The following OR2J1 variants were observed in gnomAD, a reference collection of about 807,000 sequenced individuals.
OR2J1 encodes olfactory receptor family 2 subfamily J member 1.
In OR2J1, 10 loss-of-function variants were observed where a neutral mutation model predicts 10.2. The observed-to-expected ratio is 0.98, with a 90% CI of 0.60 to 1.66. The LOEUF is 1.66. Ranked by LOEUF, OR2J1 falls within the 40% of genes most tolerant of loss-of-function variation. The pLI is 0.00. For missense variants in OR2J1, 317 were observed against 379.4 expected (o/e 0.84, Z 1.37); for synonymous variants, 143 against 138.8 (o/e 1.03, Z -0.21).
At position 29,101,547 on chromosome 6, in the gene OR2J1, T is replaced by C. The variant is rs1393654608; in HGVS notation, c.605T>C (p.Val202Ala). ...DTQANELTLM[V>A]MSSIFVLIPL... ...CAGGCAAATGAGCTGACCCTCATGG[T>C]CATGAGCTCCATATTTGTTCTCATA... The change falls in exon 2 of 2, where the codon GTC (valine) becomes GCC (alanine). Residue 202 changes from valine to alanine, a missense_variant. Physicochemically the swap from Val to Ala is moderately conservative, Grantham distance 64. Coordinates refer to ENST00000641659, the MANE Select transcript of OR2J1 (RefSeq NM_001348294.2). The C allele has an allele frequency of 6.3e-7, 1 of 1,591,936 alleles. No homozygotes were observed. Among genetic ancestry groups the C allele is most frequent in the Non-Finnish European group, 8.6e-7 (1 of 1,159,698 alleles).
rs1280995234 is a variant in OR2J1 at position 29,100,978 on chromosome 6, C to G, written c.36C>G (p.Phe12Leu). The change falls in exon 2 of 2, where the codon TTC (phenylalanine) becomes TTG (leucine). Residue 12 changes from phenylalanine (F) to leucine (L), a missense_variant. Physicochemically the swap from Phe to Leu is conservative, Grantham distance 22 (BLOSUM62 0). Coordinates refer to ENST00000641659, the MANE Select transcript of OR2J1 (RefSeq NM_001348294.2). The part of the protein sequence containing the change: ...LMKKNASFED[F>L]FLLLGFSNWP... ...AAAAAAATGCAAGTTTTGAAGACTT[C>G]TTTCTTCTACTTGGATTTTCTAACT... 1 of 1,405,900 alleles carries G rather than the reference C, an allele frequency of 7.1e-7. No homozygotes were observed. Among genetic ancestry groups the G allele is most frequent in the Non-Finnish European group, 1.0e-6 (1 of 992,228 alleles). The allele number at this position is 1,405,900 out of a possible 1,614,324, so 87.1% of individuals were successfully genotyped here. A position where few individuals can be genotyped will look rare whatever the true frequency, so the allele number is the denominator to read the frequency against.
rs769718595 is a variant in OR2J1, at chr6:29,101,131, C to G, written c.189C>G (p.Phe63Leu). 19 of 1,576,370 alleles carry G rather than the reference C, an allele frequency of 1.2e-5. No individual in the cohort carries two copies. The highest frequency in any genetic ancestry group is 1.7e-4 in the Middle Eastern group (1 of 6,018). The change falls in exon 2 of 2, where the codon TTC (phenylalanine) becomes TTG (leucine). Residue 63 changes from phenylalanine to leucine, a missense_variant. By Grantham distance (22) the Phe-to-Leu change is conservative (BLOSUM62 0). Transcript: ENST00000641659. ...ATCTCCACACTCCCATGTACTTCTT[C>G]CTTTCAAATCTCTCATTTCTGGATC... ...DSHLHTPMYFFLSNLSFLDLC... is the reference protein window; with the variant it reads ...DSHLHTPMYFLLSNLSFLDLC...
rs767848363 is a variant in OR2J1, at chr6:29,101,061, T to G, written c.119T>G (p.Leu40Arg). The G allele has an allele frequency of 1.3e-6, 2 of 1,528,500 alleles. No individual in the cohort carries two copies. Among genetic ancestry groups the G allele is most frequent in the East Asian group, 4.5e-5 (2 of 44,454 alleles). 94.7% of individuals were successfully genotyped at this position (1,528,500 alleles called of 1,614,324 possible). Residue 40 changes from leucine (L) to arginine (R), a missense_variant, in exon 2 of 2, where the codon CTG (leucine) becomes CGG (arginine). Transcript: ENST00000641659. ...ATCTTGATCTTCTACTTGATAACAC[T>G]GATAGGAAACCTGTTCATCATCATC... ...VVILIFYLITLIGNLFIIILS... is the reference protein window; with the variant it reads ...VVILIFYLITRIGNLFIIILS...
chr6:29,100,904 G>A lies in OR2J1; in HGVS notation c.-39G>A, dbSNP rs768800521. The A allele has an allele frequency of 2.1e-6, 2 of 931,000 alleles. No homozygotes were observed. The highest frequency in any genetic ancestry group is 4.8e-5 in the East Asian group (2 of 41,612). 57.7% of individuals were successfully genotyped at this position (931,000 alleles called of 1,614,324 possible). ...TTGGCAATGCATGGACAGACTTTGA[G>A]TTTATGCGATTCTTTCTTTAGGTAC... On this transcript the variant is annotated 5_prime_UTR_variant, in exon 2 of 2. Transcript: ENST00000641659.
In OR2J1 at chr6:29,102,095, A is replaced by G. The variant is rs1761671048; in HGVS notation, c.*214A>G. The stretch of plus-strand genomic sequence containing the variant: ...TACCATTTTGTTCTTTTACAATTCT[A>G]TATTTATTTCCATGAAAATTGTGGA... On this transcript the variant is annotated 3_prime_UTR_variant, in exon 2 of 2. Coordinates refer to ENST00000641659, the MANE Select transcript of OR2J1 (RefSeq NM_001348294.2). The G allele has an allele frequency of 4.4e-6, 2 of 456,704 alleles. No homozygotes were observed. The highest frequency in any genetic ancestry group is 5.2e-5 in the South Asian group (1 of 19,296). The allele number at this position is 456,704 out of a possible 1,614,324, so 28.3% of individuals were successfully genotyped here.
Position 29,100,931 on chromosome 6 carries a change from G to C in OR2J1, c.-12G>C. 9.0e-7 allele frequency: 1 copy of C among 1,105,450 alleles called. No individual in the cohort carries two copies. Among genetic ancestry groups the C allele is most frequent in the Admixed American group, 1.8e-5 (1 of 57,106 alleles). The allele number at this position is 1,105,450 out of a possible 1,614,324, so 68.5% of individuals were successfully genotyped here. On this transcript the variant is annotated 5_prime_UTR_variant, in exon 2 of 2. Transcript: ENST00000641659. ...TTATGCGATTCTTTCTTTAGGTACAGGAAAAATAAGAATGTTGATGAAAAA... is the reference window on the plus strand; with the variant it reads ...TTATGCGATTCTTTCTTTAGGTACACGAAAAATAAGAATGTTGATGAAAAA...
Position 29,101,246 on chromosome 6 carries a change from C to G in OR2J1, c.304C>G (p.Leu102Val), listed in dbSNP as rs1168684567. 6.2e-7 allele frequency: 1 copy of G among 1,601,136 alleles called. No individual in the cohort carries two copies. Among genetic ancestry groups the G allele is most frequent in the Admixed American group, 1.7e-5 (1 of 60,002 alleles). ...CTCTTATGCTGGTTGTACGGTTCAA[C>G]TTTACTTTGTTCTCGCACTGGGAAC... The part of the protein sequence containing the change: ...TISYAGCTVQ[L>V]YFVLALGTAE... The change falls in exon 2 of 2, where the codon CTT (leucine) becomes GTT (valine). Residue 102 changes from leucine to valine, a missense_variant. Coordinates refer to ENST00000641659, the MANE Select transcript of OR2J1 (RefSeq NM_001348294.2).
rs577968191 is a variant in OR2J1 at position 29,099,645 on chromosome 6, A to G, written c.-397A>G. 11 of 152,312 alleles carry G rather than the reference A, an allele frequency of 7.2e-5. No individual in the cohort carries two copies. Among genetic ancestry groups the G allele is most frequent in the Admixed American group, 3.3e-4 (5 of 15,298 alleles). The allele number at this position is 152,312 out of a possible 1,614,324, so 9.4% of individuals were successfully genotyped here. On this transcript the variant is annotated 5_prime_UTR_variant, in exon 1 of 2. Coordinates refer to ENST00000641659, the MANE Select transcript of OR2J1 (RefSeq NM_001348294.2). ...AAAAAATTCTTGCAATTTTTCCATG[A>G]TTTCTCAAAAGGTAATGATCATTTC...
Position 29,101,277 on chromosome 6 carries a change from A to C in OR2J1, c.335A>C (p.Glu112Ala). The change falls in exon 2 of 2, where the codon GAG becomes GCG. Residue 112 changes from glutamate (E) to alanine (A), a missense_variant. Glu to Ala is a moderately radical substitution (Grantham distance 107, BLOSUM62 -1). Transcript: ENST00000641659. Reference protein sequence around the residue: ...LYFVLALGTAECVLLVVMSYD... With the variant: ...LYFVLALGTAACVLLVVMSYD... Reference sequence around the variant, plus strand: ...TTTGTTCTCGCACTGGGAACCGCAGAGTGTGTCCTACTGGTGGTGATGTCC... The same window carrying C: ...TTTGTTCTCGCACTGGGAACCGCAGCGTGTGTCCTACTGGTGGTGATGTCC... 1 of 1,601,128 alleles carries C rather than the reference A, an allele frequency of 6.2e-7. No individual in the cohort carries two copies. Among genetic ancestry groups the C allele is most frequent in the Non-Finnish European group, 8.6e-7 (1 of 1,168,184 alleles).
At chr6:29,099,992 A>ATGCAAAT (rs1478068825) in intron 1 of OR2J1, 134 bp downstream of exon 1, 2 of 69,910 alleles carry the variant, frequency 2.9e-5, no homozygotes, top group African/African-American at 4.2e-5. Flanking sequence ...AAACCCAGAA[A>ATGCAAAT]TACAAGTTGT....
rs1327208970 is a variant in OR2J1, at chr6:29,102,438, C to T, written c.*557C>T. The T allele has an allele frequency of 1.3e-5, 2 of 152,236 alleles. No individual in the cohort carries two copies. Among genetic ancestry groups the T allele is most frequent in the East Asian group, 1.9e-4 (1 of 5,200 alleles). 9.4% of individuals were successfully genotyped at this position (152,236 alleles called of 1,614,324 possible). A position where few individuals can be genotyped will look rare whatever the true frequency, so the allele number is the denominator to read the frequency against. ...AAGACACTAAATTATATAATTTATC[C>T]TGTAGGTCTGCATTCTTGTCACATT... is the stretch of plus-strand genomic sequence containing the variant. On this transcript the variant is annotated 3_prime_UTR_variant, in exon 2 of 2. Coordinates refer to ENST00000641659, the MANE Select transcript of OR2J1 (RefSeq NM_001348294.2).
chr6:29,101,947 C>T lies in OR2J1; in HGVS notation c.*66C>T, dbSNP rs1761662656. ...TCCATTTTGAAAGGTTGTTTCCCTG[C>T]TTCTTTGTGATTTGTGTTTCATCTA... On this transcript the variant is annotated 3_prime_UTR_variant, in exon 2 of 2. Coordinates refer to ENST00000641659, the MANE Select transcript of OR2J1 (RefSeq NM_001348294.2). The T allele has an allele frequency of 7.4e-6, 5 of 675,906 alleles. No individual in the cohort carries two copies. The highest frequency in any genetic ancestry group is 1.3e-5 in the Non-Finnish European group (5 of 385,992). The allele number at this position is 675,906 out of a possible 1,614,324, so 41.9% of individuals were successfully genotyped here.
rs574815823 is a variant in OR2J1 at position 29,101,406 on chromosome 6, C to T, written c.464C>T (p.Thr155Ile). 20 of 1,546,376 alleles carry T rather than the reference C, an allele frequency of 1.3e-5. No individual in the cohort carries two copies. Among genetic ancestry groups the T allele is most frequent in the Non-Finnish European group, 1.8e-5 (20 of 1,117,826 alleles). The change falls in exon 2 of 2, where the codon ACA (threonine) becomes ATA (isoleucine). Residue 155 changes from threonine (T) to isoleucine (I), a missense_variant. Transcript: ENST00000641659. ...LAAASWVSGF[T>I]TSALHSSFTF... ...GCGGCTTCTTGGGTAAGTGGTTTTA[C>T]AACCTCAGCACTTCATTCCTCCTTT...
At position 29,101,613 on chromosome 6, in the gene OR2J1, G is replaced by A. The variant is rs760266472; in HGVS notation, c.671G>A (p.Arg224Gln). The change falls in exon 2 of 2, where the codon CGG (arginine) becomes CAG (glutamine). Residue 224 changes from arginine (R) to glutamine (Q), a missense_variant. By Grantham distance (43) the Arg-to-Gln change is conservative. Transcript: ENST00000641659. The stretch of plus-strand genomic sequence containing the variant: ...CTCACTTCCTATGGTGCCATTGCCC[G>A]GGCTGTACTGAGCATGCAATCAACC... ...LILTSYGAIA[R>Q]AVLSMQSTTG... 42 of 1,611,354 alleles carry A rather than the reference G, an allele frequency of 2.6e-5. No homozygotes were observed. The highest frequency in any genetic ancestry group is 4.5e-5 in the East Asian group (2 of 44,878).
Position 29,102,085 on chromosome 6 carries a change from T to C in OR2J1, c.*204T>C, listed in dbSNP as rs1279295725. 1 of 462,824 alleles carries C rather than the reference T, an allele frequency of 2.2e-6. No homozygotes were observed. The highest frequency in any genetic ancestry group is 2.0e-5 in the African/African-American group (1 of 50,158). The allele number at this position is 462,824 out of a possible 1,614,324, so 28.7% of individuals were successfully genotyped here. A position where few individuals can be genotyped will look rare whatever the true frequency, so the allele number is the denominator to read the frequency against. Reference sequence around the variant, plus strand: ...TTTTGATTAGTACCATTTTGTTCTTTTACAATTCTATATTTATTTCCATGA... The same window carrying C: ...TTTTGATTAGTACCATTTTGTTCTTCTACAATTCTATATTTATTTCCATGA... On this transcript the variant is annotated 3_prime_UTR_variant, in exon 2 of 2. Coordinates refer to ENST00000641659, the MANE Select transcript of OR2J1 (RefSeq NM_001348294.2).
Position 29,101,479 on chromosome 6 carries a change from C to A in OR2J1, c.537C>A (p.Phe179Leu). 2 of 1,505,368 alleles carry A rather than the reference C, an allele frequency of 1.3e-6. No individual in the cohort carries two copies. The highest frequency in any genetic ancestry group is 1.9e-6 in the Non-Finnish European group (2 of 1,079,652). 93.3% of individuals were successfully genotyped at this position (1,505,368 alleles called of 1,614,324 possible). The part of the protein sequence containing the change: ...LCRHRLVDHF[F>L]CEVPALLRLS... The stretch of plus-strand genomic sequence containing the variant: ...GACATCGCCTAGTGGATCACTTCTT[C>A]TGTGAAGTTCCAGCACTTCTGCGAT... Residue 179 changes from phenylalanine (F) to leucine (L), a missense_variant, in exon 2 of 2, where the codon TTC (phenylalanine) becomes TTA (leucine). By Grantham distance (22) the Phe-to-Leu change is conservative. Coordinates refer to ENST00000641659, the MANE Select transcript of OR2J1 (RefSeq NM_001348294.2).
At position 29,100,889 on chromosome 6, in the gene OR2J1, A is replaced by T. The variant is rs1761552347; in HGVS notation, c.-54A>T. On this transcript the variant is annotated 5_prime_UTR_variant, in exon 2 of 2. It removes an upstream start codon present in the reference 5' UTR. Transcript: ENST00000641659. ...TTTGCAAGTGAGCAGTTGGCAATGC[A>T]TGGACAGACTTTGAGTTTATGCGAT... is the stretch of plus-strand genomic sequence containing the variant. The T allele has an allele frequency of 1.2e-6, 1 of 825,580 alleles. No individual in the cohort carries two copies. Among genetic ancestry groups the T allele is most frequent in the East Asian group, 2.4e-5 (1 of 40,960 alleles). The allele number at this position is 825,580 out of a possible 1,614,324, so 51.1% of individuals were successfully genotyped here.
rs1304785139 is a variant in OR2J1 at position 29,102,558 on chromosome 6, T to C, written c.*677T>C. On this transcript the variant is annotated 3_prime_UTR_variant, in exon 2 of 2. Transcript: ENST00000641659. ...TTCATTAGCTAAATCTTACTGGACATGTACTCTCTCCCAGTTTGTGAAATT... is the reference window on the plus strand; with the variant it reads ...TTCATTAGCTAAATCTTACTGGACACGTACTCTCTCCCAGTTTGTGAAATT... The C allele has an allele frequency of 1.3e-5, 2 of 152,358 alleles. No homozygotes were observed. Among genetic ancestry groups the C allele is most frequent in the Middle Eastern group, 3.4e-3 (1 of 294 alleles). 9.4% of individuals were successfully genotyped at this position (152,358 alleles called of 1,614,324 possible). A position where few individuals can be genotyped will look rare whatever the true frequency, so the allele number is the denominator to read the frequency against.
At chr6:29,100,611 T>C (rs1761534664) in intron 1 of OR2J1, 149 bp from the exon 2 acceptor site, 1 of 171,622 alleles carries the variant, frequency 5.8e-6, no homozygotes, top group Non-Finnish European at 1.2e-5. Context: ...CAAAAAAAAA[T>C]CAATTTAACT....
Sources: gnomAD v4.1 joint callset for allele counts on GRCh38, gnomAD v4.1.1 for gene constraint, MANE v1.5 for transcripts, NCBI Gene and HGNC (gene_info 2026-07-23, HGNC 2026-07-21) for gene names.